NRXN3: variants seen among roughly 807,000 people sequenced by gnomAD.
The protein encoded by NRXN3 is neurexin III.
In NRXN3, 32 loss-of-function variants were observed where a neutral mutation model predicts 137.6. The ratio of observed to expected loss-of-function variants is 0.23; its 90% CI spans 0.18 to 0.31. The LOEUF is 0.31. Among genes scored for constraint, NRXN3 ranks in the 10% least tolerant of loss-of-function variants. The probability of loss-of-function intolerance (pLI) is 1.00; values close to 1 mark genes in which losing one functional copy is unlikely to be tolerated. For missense variants in NRXN3, 1,574 were observed against 2,062.5 expected, an observed-to-expected ratio of 0.76 and a Z score of 4.59; for synonymous variants, 798 against 784.5, an observed-to-expected ratio of 1.02 and a Z score of -0.29.
intron 15 of NRXN3, among the ~76,000 whole-genome samples, chr14:79,066,289 A>C (rs2099680661): frequency 6.6e-6 from 1 of 152,114 alleles, no homozygotes; most frequent in African/African-American, 2.4e-5. Flanking sequence ...GTCAAAGATC[A>C]CATGGTTGTA....
chr14:78,798,298 G>T lies in NRXN3; in HGVS notation c.2045-5322G>T, dbSNP rs1217709129. Among the ~76,000 whole-genome samples, 3 of 152,124 alleles carry T rather than the reference G, an allele frequency of 2.0e-5. No homozygotes were observed. The South Asian group carries it at 6.2e-4, about 32-fold the overall frequency. On this transcript the variant is annotated intron_variant, in intron 8 of 20. Transcript: ENST00000335750. Reference sequence around the variant, plus strand: ...GGGAGAAATTGGCCAAAACAAAGGGGCTACAGGCTCCATTCAAGTCCCAAA... The same window carrying T: ...GGGAGAAATTGGCCAAAACAAAGGGTCTACAGGCTCCATTCAAGTCCCAAA...
chr14:78,248,605 G>A (rs1309748780), intron 2 of NRXN3, among the ~76,000 whole-genome samples: 1 of 151,662 alleles, frequency 6.6e-6, no homozygotes, highest in Non-Finnish European at 1.5e-5. Flanking sequence ...TCCTGTTTTG[G>A]GCACTTGTGT....
At chr14:78,405,491 A>G (rs1324365575) in intron 4 of NRXN3, among the ~76,000 whole-genome samples, 3 of 151,988 alleles carry the variant, frequency 2.0e-5, no homozygotes, top group Admixed American at 1.3e-4. Flanking sequence ...GCAAAAGTAC[A>G]CTATTATCAC....
In NRXN3 at chr14:78,575,474, T is replaced by G. The variant is rs1442576516; in HGVS notation, c.758-69646T>G. Reference sequence around the variant, plus strand: ...TTGTATGGTTTAAATAGGATAAAATTTTTCACTAGAATGCTTGATCTCTGG... The same window carrying G: ...TTGTATGGTTTAAATAGGATAAAATGTTTCACTAGAATGCTTGATCTCTGG... On this transcript the variant is annotated intron_variant, in intron 4 of 20. Coordinates refer to ENST00000335750, the MANE Select transcript of NRXN3 (RefSeq NM_001330195.2). 2.6e-5 allele frequency among the ~76,000 whole-genome samples: 4 copies of G among 152,144 alleles called. No homozygotes were observed. The East Asian group carries it at 7.7e-4, about 29-fold the overall frequency.
chr14:78,860,855 T>A (rs1434839232), intron 10 of NRXN3, among the ~76,000 whole-genome samples: 1 of 151,812 alleles, frequency 6.6e-6, no homozygotes, highest in Non-Finnish European at 1.5e-5. Flanking sequence ...GTGGAAGATA[T>A]GGAGGAGGTG....
In NRXN3 at chr14:79,309,119, C is replaced by T. The variant is rs1398782021; in HGVS notation, c.3263-158102C>T. ...ACCACAGTCCCCAGAGTGTGATATTCCCCTTCCTGTGTCCATGTGATCTCA... is the reference window on the plus strand; with the variant it reads ...ACCACAGTCCCCAGAGTGTGATATTTCCCTTCCTGTGTCCATGTGATCTCA... On this transcript the variant is annotated intron_variant, in intron 15 of 20. Transcript: ENST00000335750. Among the ~76,000 whole-genome samples, 29 of 70,646 alleles carry T rather than the reference C, an allele frequency of 4.1e-4. 1 individual carries two copies. The highest frequency in any genetic ancestry group is 1.8e-3 in the Admixed American group (10 of 5,542). The allele number at this position is 70,646 out of a possible 152,430, so 46.3% of individuals were successfully genotyped here. A position where few individuals can be genotyped will look rare whatever the true frequency, so the allele number is the denominator to read the frequency against.
intron 15 of NRXN3, among the ~76,000 whole-genome samples, chr14:79,123,809 G>T (rs1048258245): frequency 6.6e-6 from 1 of 152,122 alleles, no homozygotes; most frequent in Non-Finnish European, 1.5e-5. Context: ...AGCAGAGCAG[G>T]CCAGGTAAGC....
intron 4 of NRXN3, among the ~76,000 whole-genome samples, chr14:78,468,219 G>A (rs781041609): frequency 2.0e-5 from 3 of 152,162 alleles, no homozygotes; most frequent in Admixed American, 6.5e-5. Flanking sequence ...GTGTCATAAA[G>A]CACCCCAAAA....
chr14:78,231,337 T>C (rs896850799), intron 1 of NRXN3: 1 of 152,182 alleles, frequency 6.6e-6, no homozygotes, highest in African/African-American at 2.4e-5. Flanking sequence ...GGGGTGAGGG[T>C]GTTTGGTCCT....
intron 4 of NRXN3, among the ~76,000 whole-genome samples, chr14:78,356,333 T>C (rs1396472314): frequency 1.3e-5 from 2 of 152,240 alleles, no homozygotes; most frequent in Non-Finnish European, 2.9e-5. Flanking sequence ...ATGAGGAATA[T>C]GGGCAAGTCA....
At chr14:79,413,435 G>A (rs981586964) in intron 15 of NRXN3, among the ~76,000 whole-genome samples, 5 of 152,012 alleles carry the variant, frequency 3.3e-5, no homozygotes, top group Admixed American at 6.6e-5. Context: ...CTGCCATTAC[G>A]CAGTTTTGGA....
At chr14:78,723,034 G>A (rs2098467090) in intron 8 of NRXN3, among the ~76,000 whole-genome samples, 2 of 152,284 alleles carry the variant, frequency 1.3e-5, no homozygotes, top group Non-Finnish European at 2.9e-5. Flanking sequence ...TAAAGAGTGA[G>A]GAGGAGGGAT....
At chr14:79,664,544 C>A (rs2153987503) in intron 17 of NRXN3, among the ~76,000 whole-genome samples, 1 of 152,254 alleles carries the variant, frequency 6.6e-6, no homozygotes, top group Middle Eastern at 3.4e-3. Flanking sequence ...ATTTTAATAG[C>A]AAGCATGCTG....
chr14:78,230,461 AG>A (rs1361737414), intron 1 of NRXN3, among the ~76,000 whole-genome samples: 3 of 151,914 alleles, frequency 2.0e-5, no homozygotes, highest in East Asian at 1.9e-4. Flanking sequence ...GGTGACATGG[AG>A]GGGTACAGTT....
intron 15 of NRXN3, among the ~76,000 whole-genome samples, chr14:79,081,518 G>T (rs1399602840): frequency 2.0e-5 from 3 of 151,888 alleles, no homozygotes; most frequent in Non-Finnish European, 2.9e-5. Context: ...GGAGGCTGAG[G>T]CAGAGGAATC....
intron 19 of NRXN3, among the ~76,000 whole-genome samples, chr14:79,739,679 A>C (rs1476336969): frequency 1.4e-5 from 2 of 145,014 alleles, no homozygotes; most frequent in South Asian, 2.2e-4. Flanking sequence ...AAAAAAAAAG[A>C]ACCCAGGCCT....
intron 15 of NRXN3, among the ~76,000 whole-genome samples, chr14:79,058,745 G>A (rs181415972): frequency 1.2e-3 from 187 of 152,248 alleles, no homozygotes; most frequent in Middle Eastern, 0.01. Context: ...TGTTGAGGGA[G>A]GGAGGTGATC....
At chr14:79,280,551 G>T in intron 15 of NRXN3, 1 of 1,606,768 alleles carries the variant, frequency 6.2e-7, no homozygotes, top group Non-Finnish European at 8.5e-7. Context: ...AGGTCTCTCT[G>T]CTCTTTATCC....
At chr14:79,078,762 T>G (rs374966592) in intron 15 of NRXN3, among the ~76,000 whole-genome samples, 16 of 152,282 alleles carry the variant, frequency 1.1e-4, no homozygotes, top group Admixed American at 2.0e-4. Context: ...TGGGAATAGT[T>G]AGAAGTAAAG....
Sources: gnomAD v4.1 joint callset for allele counts (sites outside exome capture counted in the v4.1 genomes callset) on GRCh38, gnomAD v4.1.1 for gene constraint, MANE v1.5 for transcripts, NCBI Gene and HGNC (gene_info 2026-07-23, HGNC 2026-07-21) for gene names.